CPED1: variants seen among roughly 807,000 people sequenced by gnomAD.
CPED1 encodes cadherin-like and PC-esterase domain-containing protein 1.
CPED1 carries 114 observed loss-of-function variants against 128.2 expected under a neutral mutation model. The ratio of observed to expected loss-of-function variants is 0.89; its 90% CI spans 0.76 to 1.04. The LOEUF (loss-of-function observed/expected upper bound fraction) is 1.04, where lower values mean the gene tolerates loss of function less well. Among genes scored for constraint, CPED1 ranks in the 50% least tolerant of loss-of-function variants. The pLI is 0.00. For synonymous variants in CPED1, 462 were observed against 426.7 expected, an observed-to-expected ratio of 1.08 and a Z score of -1.02; for missense variants, 1,211 against 1,207.1, an observed-to-expected ratio of 1.00 and a Z score of -0.05.
intron 3 of CPED1, among the ~76,000 whole-genome samples, chr7:121,044,753 G>A (rs1468963860): frequency 7.0e-6 from 1 of 143,670 alleles, no homozygotes; most frequent in Non-Finnish European, 1.5e-5. Flanking sequence ...ATTTAAATGT[G>A]TCTTCCCATT....
At chr7:121,133,688 G>T (rs1454381526) in intron 12 of CPED1, 135 bp from the exon 13 acceptor site, 1 of 578,968 alleles carries the variant, frequency 1.7e-6, no homozygotes, top group Non-Finnish European at 3.0e-6. Context: ...TTTGAGGATT[G>T]AAATGCAGAA....
intron 16 of CPED1, among the ~76,000 whole-genome samples, chr7:121,152,359 ATAAAGT>A (rs1373933324): frequency 2.6e-5 from 4 of 152,210 alleles, no homozygotes; most frequent in Non-Finnish European, 5.9e-5. Flanking sequence ...TAAATTCTTG[ATAAAGT>A]TAAGAGACCC....
At chr7:121,053,905 T>G (rs1225654954) in intron 4 of CPED1, among the ~76,000 whole-genome samples, 1 of 152,222 alleles carries the variant, frequency 6.6e-6, no homozygotes. Flanking sequence ...CCAGCTTTGG[T>G]CATTGAGAGC....
intron 3 of CPED1, among the ~76,000 whole-genome samples, chr7:121,033,928 A>G (rs1257733326): frequency 6.6e-6 from 1 of 152,174 alleles, no homozygotes; most frequent in Non-Finnish European, 1.5e-5. Flanking sequence ...ACTTCTCACA[A>G]TCCCCAATGC....
chr7:121,236,821 G>C lies in CPED1; in HGVS notation c.2163G>C (p.Gly721=). ...LQSELKRCPS[G]DMKGQWIVPC... ...CTGAACTAAAAAGATGTCCATCTGGGGACATGAAAGGTGACTATCACATTG... is the reference window on the plus strand; with the variant it reads ...CTGAACTAAAAAGATGTCCATCTGGCGACATGAAAGGTGACTATCACATTG... The change falls in exon 17 of 23, where the codon GGG becomes GGC. Residue 721 remains glycine, a synonymous_variant. Transcript: ENST00000310396. The C allele has an allele frequency of 6.4e-7, 1 of 1,561,452 alleles. No individual in the cohort carries two copies. The highest frequency in any genetic ancestry group is 8.8e-7 in the Non-Finnish European group (1 of 1,139,928).
chr7:121,286,950 CCTT>C (rs1489929175), intron 22 of CPED1, among the ~76,000 whole-genome samples: 1 of 152,082 alleles, frequency 6.6e-6, no homozygotes, highest in Non-Finnish European at 1.5e-5. Flanking sequence ...GAAGCAGGCA[CCTT>C]CTTCACAAGG....
At chr7:121,162,018 G>C (rs1445300356) in intron 16 of CPED1, among the ~76,000 whole-genome samples, 1 of 152,190 alleles carries the variant, frequency 6.6e-6, no homozygotes, top group South Asian at 2.1e-4. Flanking sequence ...GTTCTTGTCA[G>C]ATTTTACCAC....
At chr7:121,116,309 A>C (rs2116282511) in intron 7 of CPED1, among the ~76,000 whole-genome samples, 1 of 152,318 alleles carries the variant, frequency 6.6e-6, no homozygotes, top group South Asian at 2.1e-4. Context: ...GAATGAGTAA[A>C]AGTATCCTAA....
chr7:121,092,741 C>G (rs1326815634), intron 5 of CPED1, among the ~76,000 whole-genome samples: 1 of 152,146 alleles, frequency 6.6e-6, no homozygotes, highest in Admixed American at 6.5e-5. Flanking sequence ...GCTTATTGAG[C>G]CTCACTCAAA....
chr7:121,260,083 A>T (rs904623965), intron 18 of CPED1, among the ~76,000 whole-genome samples: 2 of 151,788 alleles, frequency 1.3e-5, no homozygotes, highest in Admixed American at 1.3e-4. Context: ...CCAGGAAATG[A>T]TGACTTACAC....
intron 22 of CPED1, among the ~76,000 whole-genome samples, chr7:121,283,258 G>A (rs1289091801): frequency 2.0e-5 from 3 of 151,976 alleles, no homozygotes; most frequent in African/African-American, 7.2e-5. Flanking sequence ...AACATTTTAG[G>A]GAATAGTAGT....
At chr7:121,069,005 A>C (rs2402554) in intron 5 of CPED1, among the ~76,000 whole-genome samples, 136,719 of 152,082 alleles carry the variant, frequency 0.9, 61,626 homozygotes, top group Middle Eastern at 0.98. Flanking sequence ...TATGCCTACC[A>C]TTTGCCCCAG....
At chr7:121,168,586 C>T (rs1052820474) in intron 16 of CPED1, among the ~76,000 whole-genome samples, 5 of 152,140 alleles carry the variant, frequency 3.3e-5, no homozygotes, top group African/African-American at 1.2e-4. Flanking sequence ...TTTTGAGTTA[C>T]AAAAAATCCA....
At position 121,026,494 on chromosome 7, in the gene CPED1, T is replaced by G. The variant is rs144002107; in HGVS notation, c.433+10646T>G. Among the ~76,000 whole-genome samples the G allele has an allele frequency of 8.5e-3, 1,297 of 152,226 alleles. 61 individuals carry two copies. The highest frequency in any genetic ancestry group is 0.076 in the Admixed American group (1,163 of 15,268). ...TTAATTAGGCATTCAATACTTCCCC[T>G]GCCATGGGGTCAGACACTTCCACAT... On this transcript the variant is annotated intron_variant, in intron 3 of 22. Transcript: ENST00000310396.
chr7:121,091,670 A>T (rs995533195), intron 5 of CPED1, among the ~76,000 whole-genome samples: 2 of 152,196 alleles, frequency 1.3e-5, no homozygotes, highest in Non-Finnish European at 2.9e-5. Context: ...TTCATATTTA[A>T]TTCTGTCAGC....
rs368598438 is a variant in CPED1 at position 121,226,984 on chromosome 7, A to G, written c.2056-9730A>G. Among the ~76,000 whole-genome samples, 227 of 152,242 alleles carry G rather than the reference A, an allele frequency of 1.5e-3. 1 individual carries two copies. The highest frequency in any genetic ancestry group is 0.014 in the Middle Eastern group (4 of 294). On this transcript the variant is annotated intron_variant, in intron 16 of 22. Coordinates refer to ENST00000310396, the MANE Select transcript of CPED1 (RefSeq NM_024913.5). ...TCAGAACAAGATGCCAGTCTGTACA[A>G]GGAATCCATTTGGAAATTTCTCAAA...
chr7:121,276,793 C>A (rs1018252137), intron 22 of CPED1, among the ~76,000 whole-genome samples: 9 of 152,052 alleles, frequency 5.9e-5, no homozygotes, highest in African/African-American at 1.9e-4. Flanking sequence ...ACAGGCAATC[C>A]TGTATATAGT....
intron 16 of CPED1, among the ~76,000 whole-genome samples, chr7:121,191,407 G>A (rs534115493): frequency 6.6e-6 from 1 of 152,252 alleles, no homozygotes; most frequent in Non-Finnish European, 1.5e-5. Context: ...ACCAGTACAA[G>A]ACAGGCTGAG....
chr7:121,047,107 G>A, intron 4 of CPED1, 114 bp downstream of exon 4: 1 of 617,956 alleles, frequency 1.6e-6, no homozygotes, highest in South Asian at 3.0e-5. Context: ...TGTATCTATG[G>A]AGAATCTTCC....
Sources: allele counts gnomAD v4.1 joint callset (sites outside exome capture counted in the v4.1 genomes callset), GRCh38; gene constraint gnomAD v4.1.1; transcripts MANE v1.5; gene names NCBI Gene and HGNC (gene_info 2026-07-23, HGNC 2026-07-21).